Variants in ADAM2 observed in about 807,000 individuals in gnomAD.
The protein encoded by ADAM2 is disintegrin and metalloproteinase domain-containing protein 2.
ADAM2 carries 101 observed loss-of-function variants against 99.3 expected under a neutral mutation model. That is an observed-to-expected ratio of 1.02 (90% confidence interval 0.87 to 1.20). The LOEUF is 1.20. Ranked by LOEUF, ADAM2 falls within the 50% of genes most tolerant of loss-of-function variation. The pLI is 0.00. For missense variants in ADAM2, 948 were observed against 878.7 expected, an observed-to-expected ratio of 1.08 and a Z score of -1.00; for synonymous variants, 323 against 287.6, an observed-to-expected ratio of 1.12 and a Z score of -1.25.
chr8:39,786,381 C>G (rs1287687202), intron 10 of ADAM2, among the ~76,000 whole-genome samples: 1 of 152,074 alleles, frequency 6.6e-6, no homozygotes, highest in Admixed American at 6.6e-5. Flanking sequence ...TTCATTGCCT[C>G]TAAGAAACTC....
intron 16 of ADAM2, among the ~76,000 whole-genome samples, chr8:39,754,113 C>T (rs1047775862): frequency 2.6e-5 from 4 of 152,184 alleles, no homozygotes; most frequent in African/African-American, 9.7e-5. Context: ...TCCAACTCAT[C>T]CCATCCTCGT....
At chr8:39,826,723 A>C (rs1016235005) in intron 3 of ADAM2, among the ~76,000 whole-genome samples, 1 of 151,886 alleles carries the variant, frequency 6.6e-6, no homozygotes, top group African/African-American at 2.4e-5. Context: ...AAAAAAAAAA[A>C]ACAAAAAAAC....
At chr8:39,803,484 A>C (rs1170332082) in intron 7 of ADAM2, among the ~76,000 whole-genome samples, 2 of 152,188 alleles carry the variant, frequency 1.3e-5, no homozygotes, top group East Asian at 3.9e-4. Context: ...GTACAAGCAG[A>C]GTGATCTCAT....
intron 1 of ADAM2, among the ~76,000 whole-genome samples, chr8:39,837,818 T>C (rs901918434): frequency 1.3e-5 from 2 of 151,894 alleles, no homozygotes; most frequent in Admixed American, 6.6e-5. Flanking sequence ...AACTAGAGAG[T>C]ACAGAAGTTG....
Position 39,821,185 on chromosome 8 carries a change from A to T in ADAM2, c.345-15T>A. ...GTAGTACGCCCCTAAAAATTTCAAA[A>T]AAAAATTAATAAGTAAAACAATGCC... is the stretch of plus-strand genomic sequence containing the variant. On this transcript the variant is annotated splice_polypyrimidine_tract_variant and intron_variant, in intron 5 of 20. Coordinates refer to ENST00000265708, the MANE Select transcript of ADAM2 (RefSeq NM_001464.5). 2.0e-6 allele frequency: 3 copies of T among 1,526,596 alleles called. No individual in the cohort carries two copies. 94.6% of individuals were successfully genotyped at this position (1,526,596 alleles called of 1,614,324 possible). A position where few individuals can be genotyped will look rare whatever the true frequency, so the allele number is the denominator to read the frequency against.
At chr8:39,834,473 G>A (rs1805739454) in intron 2 of ADAM2, among the ~76,000 whole-genome samples, 4 of 152,128 alleles carry the variant, frequency 2.6e-5, no homozygotes, top group Admixed American at 2.0e-4. Context: ...AAAACCTCAC[G>A]CCTATTATCC....
chr8:39,781,853 G>T (rs750785350), intron 10 of ADAM2, among the ~76,000 whole-genome samples: 5 of 152,160 alleles, frequency 3.3e-5, no homozygotes, highest in Admixed American at 1.3e-4. Context: ...TGACAACGTG[G>T]TGTTGGTGGA....
intron 14 of ADAM2, among the ~76,000 whole-genome samples, chr8:39,764,870 C>G (rs1413817681): frequency 1.3e-5 from 2 of 151,712 alleles, no homozygotes; most frequent in Non-Finnish European, 2.9e-5. Context: ...CAAAAATTAG[C>G]CGGGTGTGGT....
intron 6 of ADAM2, among the ~76,000 whole-genome samples, chr8:39,813,003 G>A (rs1404234178): frequency 1.3e-5 from 2 of 152,084 alleles, no homozygotes. Flanking sequence ...TGGGAGAAAA[G>A]TTTTACAATC....
At chr8:39,813,883 G>A (rs965551844) in intron 6 of ADAM2, among the ~76,000 whole-genome samples, 18 of 151,898 alleles carry the variant, frequency 1.2e-4, no homozygotes, top group Non-Finnish European at 1.6e-4. Context: ...AAAGCTGCAC[G>A]TTGTGCACAT....
chr8:39,806,741 T>C (rs930657889), intron 7 of ADAM2, among the ~76,000 whole-genome samples: 3 of 152,038 alleles, frequency 2.0e-5, no homozygotes, highest in African/African-American at 4.8e-5. Context: ...AGTTGAAGAT[T>C]TGGAGATTTC....
chr8:39,831,232 C>T (rs1388399673), intron 3 of ADAM2, among the ~76,000 whole-genome samples: 4 of 148,430 alleles, frequency 2.7e-5, no homozygotes, highest in African/African-American at 1.0e-4. Flanking sequence ...GAAATAGCAT[C>T]ACATGCAGAA....
chr8:39,797,749 T>A (rs76300227), intron 7 of ADAM2, among the ~76,000 whole-genome samples: 1 of 152,012 alleles, frequency 6.6e-6, no homozygotes, highest in Non-Finnish European at 1.5e-5. Flanking sequence ...TTTGAAGAGG[T>A]CCTTCACATC....
intron 7 of ADAM2, among the ~76,000 whole-genome samples, chr8:39,790,511 C>T (rs1233403584): frequency 1.3e-5 from 2 of 151,798 alleles, no homozygotes; most frequent in African/African-American, 4.8e-5. Context: ...GATTGCTTGG[C>T]CTGTGGTACA....
chr8:39,754,575 A>T (rs1350464380), intron 16 of ADAM2, among the ~76,000 whole-genome samples: 5 of 152,244 alleles, frequency 3.3e-5, no homozygotes, highest in Non-Finnish European at 7.3e-5. Flanking sequence ...TGTGTTGCAC[A>T]ATTTTTTAAA....
intron 7 of ADAM2, among the ~76,000 whole-genome samples, chr8:39,807,645 C>T (rs1001676452): frequency 6.6e-5 from 10 of 152,070 alleles, no homozygotes; most frequent in Non-Finnish European, 1.0e-4. Flanking sequence ...TTTTGGTGGC[C>T]ATCTGTAGGC....
At chr8:39,821,851 A>G (rs1428884284) in intron 4 of ADAM2, among the ~76,000 whole-genome samples, 189 bp from the exon 5 acceptor site, 1 of 152,182 alleles carries the variant, frequency 6.6e-6, no homozygotes, top group Non-Finnish European at 1.5e-5. Flanking sequence ...TTTATAAAAA[A>G]TGAGTATATT....
intron 10 of ADAM2, among the ~76,000 whole-genome samples, chr8:39,786,607 T>A (rs1011010968): frequency 1.3e-5 from 2 of 152,162 alleles, no homozygotes; most frequent in African/African-American, 4.8e-5. Context: ...AAATGTTTTA[T>A]TTTAATCTGG....
In ADAM2 at chr8:39,746,529, A is replaced by T; in HGVS notation, c.2117T>A (p.Met706Lys). The T allele has an allele frequency of 2.5e-6, 4 of 1,604,968 alleles. No homozygotes were observed. The highest frequency in any genetic ancestry group is 3.4e-6 in the Non-Finnish European group (4 of 1,176,208). ...TTTCCTTTGGAAATTAACTTTCACC[A>T]TTATAGCAATCAGTACACAGAAAAT... ...FIIFCVLIAI[M>K]VKVNFQRKKW... Residue 706 changes from methionine (M) to lysine (K), a missense_variant, in exon 19 of 21, where the codon ATG becomes AAG. Physicochemically the swap from Met to Lys is moderately conservative, Grantham distance 95. Transcript: ENST00000265708.
Sources: gnomAD v4.1 joint callset for allele counts (sites outside exome capture counted in the v4.1 genomes callset) on GRCh38, gnomAD v4.1.1 for gene constraint, MANE v1.5 for transcripts, NCBI Gene and HGNC (gene_info 2026-07-23, HGNC 2026-07-21) for gene names.